The following ANXA2 variants were observed in gnomAD, a reference collection of about 807,000 sequenced individuals.
ANXA2 encodes the protein annexin A2.
Under a neutral mutation model 47.3 loss-of-function variants are expected in ANXA2, and 28 were observed. The observed-to-expected ratio is 0.59, with a 90% CI of 0.44 to 0.81. ANXA2 has a LOEUF of 0.81. Among genes scored for constraint, ANXA2 ranks in the 40% least tolerant of loss-of-function variants. The pLI, the probability that ANXA2 is intolerant of heterozygous loss-of-function variation, is 0.00. For synonymous variants in ANXA2, 172 were observed against 155.5 expected (o/e 1.11, Z -0.79); for missense variants, 384 against 414.3 (o/e 0.93, Z 0.64).
chr15:60,363,129 G>C (rs1363686486), intron 4 of ANXA2: 1 of 148,088 alleles, frequency 6.8e-6, no homozygotes, highest in Non-Finnish European at 1.5e-5. Context: ...ACAGCTGAAA[G>C]ATCAAATTTT....
chr15:60,367,182 C>A (rs2062631807), intron 3 of ANXA2, among the ~76,000 whole-genome samples: 1 of 79,300 alleles, frequency 1.3e-5, no homozygotes, highest in Non-Finnish European at 2.6e-5. Flanking sequence ...GGGTCAGCCC[C>A]CCGTCCGGCC....
chr15:60,373,947 C>G (rs887700711), intron 3 of ANXA2, among the ~76,000 whole-genome samples: 8 of 152,204 alleles, frequency 5.3e-5, no homozygotes, highest in Admixed American at 3.9e-4. Flanking sequence ...ATGACAAACT[C>G]TGGCAGCTGC....
chr15:60,371,918 A>G (rs552403317), intron 3 of ANXA2, among the ~76,000 whole-genome samples: 44 of 152,280 alleles, frequency 2.9e-4, no homozygotes, highest in African/African-American at 1.1e-3. Flanking sequence ...TTGGGAGGCC[A>G]AGGTGGGCGG....
intron 8 of ANXA2, among the ~76,000 whole-genome samples, chr15:60,353,631 A>G (rs944146220): frequency 3.9e-5 from 6 of 152,226 alleles, no homozygotes; most frequent in African/African-American, 1.4e-4. Flanking sequence ...TTCCAAAGGA[A>G]GAGCCTAATC....
intron 3 of ANXA2, among the ~76,000 whole-genome samples, chr15:60,368,164 AC>A (rs2062661515): frequency 6.8e-6 from 1 of 147,098 alleles, no homozygotes; most frequent in African/African-American, 2.5e-5. Flanking sequence ...ACCCAGGGAC[AC>A]AAACACTGCG....
At chr15:60,393,444 C>A (rs1008787984) in intron 1 of ANXA2, 98 of 1,004,584 alleles carry the variant, frequency 9.8e-5, no homozygotes, top group Non-Finnish European at 1.1e-4. Flanking sequence ...TGGCCGCCTA[C>A]AGAAAAAAGT....
chr15:60,380,592 TG>T (rs1277390434), intron 3 of ANXA2, among the ~76,000 whole-genome samples: 1 of 145,914 alleles, frequency 6.9e-6, no homozygotes, highest in Admixed American at 6.9e-5. Flanking sequence ...TCACCAGAGG[TG>T]AGGGAGTTCG....
chr15:60,376,094 T>C (rs772640987), intron 3 of ANXA2, among the ~76,000 whole-genome samples: 1 of 152,028 alleles, frequency 6.6e-6, no homozygotes, highest in Admixed American at 6.6e-5. Flanking sequence ...ACAGATGCCA[T>C]AGGCCAGGCG....
intron 1 of ANXA2, among the ~76,000 whole-genome samples, chr15:60,391,628 C>G (rs955741463): frequency 5.3e-5 from 8 of 152,144 alleles, no homozygotes; most frequent in African/African-American, 1.9e-4. Context: ...GCTCTGGAGG[C>G]AGAATTTTCT....
chr15:60,396,920 G>C (rs963516648), intron 1 of ANXA2, among the ~76,000 whole-genome samples: 2 of 152,162 alleles, frequency 1.3e-5, no homozygotes, highest in African/African-American at 4.8e-5. Context: ...ATGACACTTT[G>C]CATTTGCACA....
intron 1 of ANXA2, chr15:60,391,358 G>A (rs2063007697): frequency 6.6e-6 from 1 of 152,350 alleles, no homozygotes; most frequent in Non-Finnish European, 1.5e-5. Context: ...TGAGAAGGGT[G>A]AATCACCATG....
At chr15:60,397,145 G>C (rs559776405) in intron 1 of ANXA2, 31 of 460,564 alleles carry the variant, frequency 6.7e-5, no homozygotes, top group Non-Finnish European at 8.6e-5. Flanking sequence ...AGAGCGGCCA[G>C]AAGGGAGAGG....
chr15:60,394,986 C>A (rs1244141885), intron 1 of ANXA2, among the ~76,000 whole-genome samples: 1 of 148,190 alleles, frequency 6.7e-6, no homozygotes, highest in Non-Finnish European at 1.5e-5. Context: ...GAAGAGGATT[C>A]TCATGTGAAA....
At chr15:60,355,717 G>C in intron 7 of ANXA2, 1 of 636,260 alleles carries the variant, frequency 1.6e-6, no homozygotes, top group Non-Finnish European at 2.9e-6. Context: ...AAGTCCACTT[G>C]TCCATGAGGT....
intron 12 of ANXA2, among the ~76,000 whole-genome samples, 163 bp from the exon 13 acceptor site, chr15:60,347,852 A>G (rs1173039564): frequency 2.0e-5 from 3 of 152,176 alleles, no homozygotes; most frequent in African/African-American, 7.2e-5. Context: ...GCCACACCCA[A>G]ACCATTGCCA....
chr15:60,368,464 TTC>T (rs1453808557), intron 3 of ANXA2, among the ~76,000 whole-genome samples: 1 of 152,160 alleles, frequency 6.6e-6, no homozygotes, highest in African/African-American at 2.4e-5. Context: ...TGATTAAATG[TTC>T]TTTTTTCCAT....
intron 1 of ANXA2, chr15:60,390,739 A>G (rs1485295567): frequency 6.0e-6 from 1 of 167,234 alleles, no homozygotes; most frequent in African/African-American, 2.4e-5. Context: ...TGTCCAAAAA[A>G]CAAAACAAAA....
intron 2 of ANXA2, chr15:60,385,439 A>G (rs10454693): frequency 0.8 from 121,393 of 152,226 alleles, 48,978 homozygotes; most frequent in East Asian, 1. Context: ...AGTGGTGCAC[A>G]CCTGTAGTCC....
chr15:60,349,814 AGGAAGGAAAGGGAGGGAGG>A (rs1409893531), intron 11 of ANXA2, among the ~76,000 whole-genome samples: 2,062 of 136,018 alleles, frequency 0.015, 106 homozygotes, highest in African/African-American at 0.05. Context: ...GGAAAGGGAA[AGGAAGGAAAGGGAGGGAGG>A]GGAAGGAAAG....
Sources: allele counts gnomAD v4.1 joint callset (sites outside exome capture counted in the v4.1 genomes callset), GRCh38; gene constraint gnomAD v4.1.1; transcripts MANE v1.5; gene names NCBI Gene and HGNC (gene_info 2026-07-23, HGNC 2026-07-21).